COL11A1: variants seen among roughly 807,000 people sequenced by gnomAD.
COL11A1 encodes collagen alpha-1(XI) chain.
COL11A1 carries 74 observed loss-of-function variants against 265.2 expected under a neutral mutation model. That is an observed-to-expected ratio of 0.28 (90% CI 0.23 to 0.34). COL11A1 has a LOEUF of 0.34. Among genes scored for constraint, COL11A1 ranks in the 10% least tolerant of loss-of-function variants. COL11A1 has a pLI of 1.00. For missense variants in COL11A1, 2,165 were observed against 2,263.6 expected (o/e 0.96, Z 0.88); for synonymous variants, 816 against 727.6 (o/e 1.12, Z -1.96).
intron 9 of COL11A1, among the ~76,000 whole-genome samples, chr1:103,020,397 G>C (rs1328798075): frequency 7.3e-6 from 1 of 137,544 alleles, no homozygotes; most frequent in South Asian, 2.6e-4. Context: ...CTTTTGAGAA[G>C]TGTCTGTTCA....
chr1:102,984,264 T>A (rs1663324461), intron 30 of COL11A1, 73 bp from the exon 31 acceptor site: 9 of 1,019,812 alleles, frequency 8.8e-6, no homozygotes, highest in Non-Finnish European at 1.3e-5. Context: ...TTTCAATTTT[T>A]TTTAAATATT....
At chr1:102,953,823 T>C (rs1322349398) in intron 41 of COL11A1, among the ~76,000 whole-genome samples, 1 of 152,170 alleles carries the variant, frequency 6.6e-6, no homozygotes, top group African/African-American at 2.4e-5. Context: ...AATCCTAACT[T>C]TTAACTATTT....
rs1674859557 is a variant in COL11A1 at position 103,108,133 on chromosome 1, C to T, written c.46G>A (p.Asp16Asn). 2 of 1,613,666 alleles carry T rather than the reference C, an allele frequency of 1.2e-6. No individual in the cohort carries two copies. The highest frequency in any genetic ancestry group is 1.7e-6 in the Non-Finnish European group (2 of 1,179,968). Residue 16 changes from aspartate to asparagine, a missense_variant, in exon 1 of 67, where the codon GAT becomes AAT. Physicochemically the swap from Asp to Asn is conservative, Grantham distance 23 (BLOSUM62 1). Transcript: ENST00000370096. ...AATGCGAGGGTTGTTACGGTGAAAT[C>T]CCAGAGCCACCGTTTCGTTTTCCAC... The part of the protein sequence containing the change: ...SRWKTKRWLW[D>N]FTVTTLALTF...
chr1:102,989,479 T>A (rs753769121), intron 29 of COL11A1, 39 bp downstream of exon 29: 5 of 1,331,484 alleles, frequency 3.8e-6, no homozygotes, highest in South Asian at 2.7e-5. Context: ...ATATATATAT[T>A]AAATTTTGTG....
At chr1:103,059,243 T>C (rs1670473376) in intron 4 of COL11A1, among the ~76,000 whole-genome samples, 1 of 151,990 alleles carries the variant, frequency 6.6e-6, no homozygotes, top group Non-Finnish European at 1.5e-5. Flanking sequence ...AGAAGGAAAA[T>C]AACCCCAGCC....
At chr1:102,946,790 A>C in intron 42 of COL11A1, 59 bp downstream of exon 42, 2 of 1,340,204 alleles carry the variant, frequency 1.5e-6, no homozygotes, top group East Asian at 4.7e-5. Flanking sequence ...TTATTGAATA[A>C]AAAGTAATAA....
chr1:102,947,274 AT>A (rs1659394396), intron 41 of COL11A1, among the ~76,000 whole-genome samples: 1 of 152,198 alleles, frequency 6.6e-6, no homozygotes, highest in African/African-American at 2.4e-5. Flanking sequence ...ACAATGCTTT[AT>A]AAAAAATATA....
intron 4 of COL11A1, among the ~76,000 whole-genome samples, chr1:103,066,768 G>GC (rs1299808530): frequency 2.0e-5 from 3 of 151,736 alleles, no homozygotes; most frequent in Admixed American, 1.3e-4. Context: ...ATAAAAAAAG[G>GC]CCCCCCAGTA....
chr1:102,995,436 ACTT>A (rs1664531625), intron 28 of COL11A1, among the ~76,000 whole-genome samples: 1 of 152,096 alleles, frequency 6.6e-6, no homozygotes, highest in South Asian at 2.1e-4. Context: ...AATTTAGTGT[ACTT>A]CTAACTTTCC....
chr1:102,959,405 C>T (rs1173211040), intron 41 of COL11A1, among the ~76,000 whole-genome samples: 3 of 71,508 alleles, frequency 4.2e-5, no homozygotes, highest in African/African-American at 9.7e-5. Flanking sequence ...AGTATTTTCT[C>T]GCTCTTCAAC....
At chr1:103,003,351 G>T (rs1665310889) in intron 20 of COL11A1, 83 bp from the exon 21 acceptor site, 2 of 1,362,042 alleles carry the variant, frequency 1.5e-6, no homozygotes, top group Middle Eastern at 1.8e-4. Flanking sequence ...GAAATCCTAA[G>T]GTTATTTTTA....
rs1662824297 is a variant in COL11A1 at position 102,979,438 on chromosome 1, A to G, written c.2557-3T>C. 3 of 1,594,536 alleles carry G rather than the reference A, an allele frequency of 1.9e-6. No individual in the cohort carries two copies. The highest frequency in any genetic ancestry group is 1.3e-5 in the African/African-American group (1 of 74,530). ...AACCCAGGGAATCCAGTGGAACCCT[A>G]CAATAATAAAAGTAAATAATGAATA... On this transcript the variant is annotated splice_region_variant and splice_polypyrimidine_tract_variant and intron_variant, in intron 31 of 66. Transcript: ENST00000370096.
chr1:103,068,945 T>G (rs1347210822), intron 4 of COL11A1, among the ~76,000 whole-genome samples: 1 of 151,578 alleles, frequency 6.6e-6, no homozygotes, highest in East Asian at 1.9e-4. Context: ...TGGAGTTATA[T>G]TATGTACAGG....
At chr1:102,891,281 C>G (rs1198450668) in intron 57 of COL11A1, among the ~76,000 whole-genome samples, 1 of 152,024 alleles carries the variant, frequency 6.6e-6, no homozygotes, top group Non-Finnish European at 1.5e-5. Context: ...ATTAATTTCT[C>G]TAAGCTAAAG....
intron 4 of COL11A1, among the ~76,000 whole-genome samples, chr1:103,073,179 A>C (rs1347457889): frequency 1.3e-5 from 2 of 151,788 alleles, no homozygotes; most frequent in Non-Finnish European, 3.0e-5. Flanking sequence ...AAAGAGCTGA[A>C]GTTACTCCAG....
intron 62 of COL11A1, among the ~76,000 whole-genome samples, chr1:102,888,084 A>G (rs1413717662): frequency 6.6e-6 from 1 of 152,208 alleles, no homozygotes; most frequent in African/African-American, 2.4e-5. Context: ...TCAAGAAAGA[A>G]GAATAACATT....
intron 42 of COL11A1, among the ~76,000 whole-genome samples, chr1:102,946,071 G>A (rs1013268828): frequency 1.5e-5 from 2 of 137,054 alleles, no homozygotes; most frequent in Non-Finnish European, 1.6e-5. Flanking sequence ...GTAAACTATC[G>A]CAAGGACAAA....
chr1:102,946,257 G>A (rs947352611), intron 42 of COL11A1, among the ~76,000 whole-genome samples: 4 of 150,082 alleles, frequency 2.7e-5, no homozygotes, highest in African/African-American at 9.8e-5. Context: ...CAGCACACCA[G>A]CATGGCACAT....
intron 5 of COL11A1, 200 bp downstream of exon 5, chr1:103,030,916 T>G (rs1243661619): frequency 1.6e-6 from 1 of 611,374 alleles, no homozygotes; most frequent in East Asian, 3.2e-5. Context: ...GCTAATAAAT[T>G]TATGTAATCA....
Sources: allele counts gnomAD v4.1 joint callset (sites outside exome capture counted in the v4.1 genomes callset), GRCh38; gene constraint gnomAD v4.1.1; transcripts MANE v1.5; gene names NCBI Gene and HGNC (gene_info 2026-07-23, HGNC 2026-07-21).